The following PDE3B variants were observed in gnomAD, a reference collection of about 807,000 sequenced individuals.
The protein encoded by PDE3B is cGMP-inhibited 3',5'-cyclic phosphodiesterase 3B.
In PDE3B, 66 loss-of-function variants were observed where a neutral mutation model predicts 116.8. The ratio of observed to expected loss-of-function variants is 0.56; its 90% CI spans 0.46 to 0.69. PDE3B has a LOEUF of 0.69. Ranked by LOEUF, PDE3B falls within the 30% of genes least tolerant of loss-of-function variation. The pLI is 0.00. For synonymous variants in PDE3B, 595 were observed against 533.6 expected (o/e 1.12, Z -1.59); for missense variants, 1,384 against 1,368.1 (o/e 1.01, Z -0.18).
intron 1 of PDE3B, among the ~76,000 whole-genome samples, chr11:14,698,274 AT>A (rs1298335012): frequency 6.6e-6 from 1 of 151,960 alleles, no homozygotes; most frequent in East Asian, 1.9e-4. Flanking sequence ...ATTCTATCAA[AT>A]ACTTTTTCTG....
At chr11:14,709,219 A>C (rs1186049234) in intron 1 of PDE3B, among the ~76,000 whole-genome samples, 2 of 152,176 alleles carry the variant, frequency 1.3e-5, no homozygotes, top group African/African-American at 2.4e-5. Context: ...GAGAATTCAG[A>C]ATTGGAGAAG....
intron 1 of PDE3B, among the ~76,000 whole-genome samples, chr11:14,704,521 T>C (rs1855472453): frequency 6.6e-6 from 1 of 151,784 alleles, no homozygotes; most frequent in South Asian, 2.1e-4. Flanking sequence ...ATTGGATTTA[T>C]AGTTCCTGAT....
chr11:14,783,678 G>A (rs79867705), intron 2 of PDE3B, among the ~76,000 whole-genome samples: 42 of 151,944 alleles, frequency 2.8e-4, no homozygotes, highest in Admixed American at 4.6e-4. Context: ...GAGTTGATGG[G>A]TGCAGCACAC....
chr11:14,886,919 G>A, the PDE3B span: 1 of 152,272 alleles, frequency 6.6e-6, no homozygotes, highest in Non-Finnish European at 1.5e-5. Context: ...CTAACCAGCT[G>A]AGTAATGGGG....
At chr11:14,737,439 C>T (rs911753798) in intron 1 of PDE3B, among the ~76,000 whole-genome samples, 24 of 152,132 alleles carry the variant, frequency 1.6e-4, no homozygotes, top group Middle Eastern at 6.8e-3. Flanking sequence ...ACCTCGTGAT[C>T]CGCCAGCCTT....
chr11:14,835,019 A>G lies in PDE3B; in HGVS notation c.2244A>G (p.Ala748=). Reference sequence around the variant, plus strand: ...TACATGCCACAGATGTGCTACATGCAGTTTGGTATCTGACAACACGGCCAG... The same window carrying G: ...TACATGCCACAGATGTGCTACATGCGGTTTGGTATCTGACAACACGGCCAG... ...NRIHATDVLH[A]VWYLTTRPVP... The change falls in exon 11 of 16, where the codon GCA becomes GCG. Residue 748 remains alanine (A), a synonymous_variant. Transcript: ENST00000282096. The G allele has an allele frequency of 6.2e-7, 1 of 1,613,360 alleles. No individual in the cohort carries two copies. Among genetic ancestry groups the G allele is most frequent in the South Asian group, 1.1e-5 (1 of 90,976 alleles).
chr11:14,682,611 A>G (rs953323379), intron 1 of PDE3B, among the ~76,000 whole-genome samples: 9 of 152,134 alleles, frequency 5.9e-5, no homozygotes, highest in African/African-American at 1.7e-4. Context: ...AACTGTTAAT[A>G]TGATGGATTA....
intron 5 of PDE3B, 145 bp from the exon 6 acceptor site, chr11:14,818,038 C>G (rs1186174052): frequency 1.6e-6 from 1 of 607,642 alleles, no homozygotes; most frequent in Non-Finnish European, 2.8e-6. Context: ...ATTGTGAGGC[C>G]CCATGCAGGA....
the PDE3B span, among the ~76,000 whole-genome samples, chr11:14,882,566 G>A: frequency 6.6e-6 from 1 of 152,136 alleles, no homozygotes; most frequent in Non-Finnish European, 1.5e-5. Flanking sequence ...CACCCAAAGG[G>A]CAACTTTTTC....
chr11:14,880,484 C>T, the PDE3B span: 1 of 1,613,468 alleles, frequency 6.2e-7, no homozygotes, highest in Non-Finnish European at 8.5e-7. Context: ...GCTAGTTCCA[C>T]ATTTTCACTA....
chr11:14,860,918 TATAC>T (rs1472936872), intron 13 of PDE3B, among the ~76,000 whole-genome samples: 13 of 114,018 alleles, frequency 1.1e-4, no homozygotes, highest in South Asian at 3.1e-4. Context: ...TATATATATA[TATAC>T]ACACACACAC....
chr11:14,780,064 G>T (rs1324792895), intron 2 of PDE3B, among the ~76,000 whole-genome samples: 2 of 151,038 alleles, frequency 1.3e-5, no homozygotes, highest in Admixed American at 6.6e-5. Context: ...GATCAGAAGA[G>T]ACAAGGCCAT....
At chr11:14,750,212 G>T (rs1194711190) in intron 1 of PDE3B, among the ~76,000 whole-genome samples, 1 of 151,680 alleles carries the variant, frequency 6.6e-6, no homozygotes, top group Admixed American at 6.6e-5. Context: ...ATCTCATCCA[G>T]AAATACCCTC....
chr11:14,757,578 T>C (rs1857229045), intron 1 of PDE3B, among the ~76,000 whole-genome samples: 1 of 118,692 alleles, frequency 8.4e-6, no homozygotes. Flanking sequence ...TTTTCATGTG[T>C]TTTTTGGCTG....
At chr11:14,716,072 G>A (rs1463046188) in intron 1 of PDE3B, among the ~76,000 whole-genome samples, 3 of 152,122 alleles carry the variant, frequency 2.0e-5, no homozygotes, top group East Asian at 1.9e-4. Flanking sequence ...CGCACCGTGC[G>A]CGAGCCGAAG....
At chr11:14,798,791 T>G (rs560320219) in intron 4 of PDE3B, among the ~76,000 whole-genome samples, 1 of 152,244 alleles carries the variant, frequency 6.6e-6, no homozygotes, top group Admixed American at 6.5e-5. Context: ...CCCTGTATCA[T>G]TTTTTAATGT....
intron 1 of PDE3B, among the ~76,000 whole-genome samples, chr11:14,704,461 G>A (rs1312899179): frequency 6.6e-6 from 1 of 151,674 alleles, no homozygotes; most frequent in Non-Finnish European, 1.5e-5. Flanking sequence ...AATTCAAAAT[G>A]TATGTGGAAA....
chr11:14,787,649 T>A (rs1309311758), intron 3 of PDE3B, among the ~76,000 whole-genome samples: 1 of 151,944 alleles, frequency 6.6e-6, no homozygotes, highest in Non-Finnish European at 1.5e-5. Flanking sequence ...GTGATACTTT[T>A]ATTTTTTTAA....
At chr11:14,737,705 G>A (rs1260602396) in intron 1 of PDE3B, among the ~76,000 whole-genome samples, 1 of 152,006 alleles carries the variant, frequency 6.6e-6, no homozygotes, top group Admixed American at 6.6e-5. Flanking sequence ...CCATGCTGGT[G>A]TGCTGCACCC....
Sources: gnomAD v4.1 joint callset for allele counts (sites outside exome capture counted in the v4.1 genomes callset) on GRCh38, gnomAD v4.1.1 for gene constraint, MANE v1.5 for transcripts, NCBI Gene and HGNC (gene_info 2026-07-23, HGNC 2026-07-21) for gene names.